CDH15: variants seen among roughly 807,000 people sequenced by gnomAD.
CDH15 encodes the protein cadherin 15.
A neutral mutation model predicts 69.4 loss-of-function variants in CDH15; 73 were observed. That is an observed-to-expected ratio of 1.05 (90% CI 0.87 to 1.28). CDH15 has a LOEUF of 1.28. CDH15 is among the 50% of genes most tolerant of loss of function. The pLI is 0.00. For synonymous variants in CDH15, 624 were observed against 507.7 expected (o/e 1.23, Z -3.08); for missense variants, 1,343 against 1,133.6 (o/e 1.18, Z -2.65).
At position 89,190,871 on chromosome 16, in the gene CDH15, G is replaced by T. The variant is rs549777282; in HGVS notation, c.1232+375G>T. Reference sequence around the variant, plus strand: ...CCAGCACCAACTGAGGCTTAACTAGGTTGCCACACAATTGTCTCAGCGCCC... The same window carrying T: ...CCAGCACCAACTGAGGCTTAACTAGTTTGCCACACAATTGTCTCAGCGCCC... On this transcript the variant is annotated intron_variant, in intron 8 of 13. Transcript: ENST00000289746. Among the ~76,000 whole-genome samples the T allele has an allele frequency of 7.2e-5, 11 of 152,240 alleles. No individual in the cohort carries two copies. In the South Asian group the frequency reaches 2.3e-3, roughly 32 times the overall value.
chr16:89,188,700 G>GATGCCGGCACACACAGATGCCCACA (rs1567774941), intron 7 of CDH15, among the ~76,000 whole-genome samples: 3 of 67,748 alleles, frequency 4.4e-5, no homozygotes, highest in Non-Finnish European at 6.1e-5. Flanking sequence ...AGATGCCCAC[G>GATGCCGGCACACACAGATGCCCACA]CACAGATGGC....
chr16:89,171,969 C>A, intron 1 of CDH15, 96 bp downstream of exon 1: 1 of 1,336,470 alleles, frequency 7.5e-7, no homozygotes, highest in Non-Finnish European at 1.0e-6. Context: ...CCCAGAACCA[C>A]TGGCCCTGGT....
chr16:89,172,930 G>A (rs892732026), intron 1 of CDH15, among the ~76,000 whole-genome samples: 2 of 152,158 alleles, frequency 1.3e-5, no homozygotes, highest in African/African-American at 4.8e-5. Context: ...GACACAGTGA[G>A]TAAGGGAAGC....
rs911976735 is a variant in CDH15, at chr16:89,192,087, G to C, written c.1616-118G>C. The C allele has an allele frequency of 6.0e-6, 8 of 1,341,604 alleles. No homozygotes were observed. The Admixed American group carries it at 1.5e-4, about 25-fold the overall frequency. 83.1% of individuals were successfully genotyped at this position (1,341,604 alleles called of 1,614,324 possible). A position where few individuals can be genotyped will look rare whatever the true frequency, so the allele number is the denominator to read the frequency against. ...ACTCATTGTGCCCAGAGGACGGTGG[G>C]GGTGGGGGGGACCCAGGCCCAGGAT... On this transcript the variant is annotated intron_variant, in intron 10 of 13. Coordinates refer to ENST00000289746, the MANE Select transcript of CDH15 (RefSeq NM_004933.3).
At chr16:89,183,435 G>A in intron 3 of CDH15, 113 bp from the exon 4 acceptor site, 2 of 1,239,758 alleles carry the variant, frequency 1.6e-6, no homozygotes, top group Non-Finnish European at 2.3e-6. Context: ...TGTTTAAGCT[G>A]GTGTTTCCAG....
chr16:89,193,644 G>A lies in CDH15; in HGVS notation c.1992+38G>A, dbSNP rs764672803. ...GTGTGGGTGGGGAGGGGTCCCCAAG[G>A]AACCCAGGTCGCGGGCCTTCTTACA... On this transcript the variant is annotated intron_variant, in intron 12 of 13. Coordinates refer to ENST00000289746, the MANE Select transcript of CDH15 (RefSeq NM_004933.3). 24 of 1,571,324 alleles carry A rather than the reference G, an allele frequency of 1.5e-5. No individual in the cohort carries two copies. In the East Asian group the frequency reaches 4.7e-4, roughly 31 times the overall value.
Position 89,190,606 on chromosome 16 carries a change from G to T in CDH15, c.1232+110G>T. 5.9e-6 allele frequency: 8 copies of T among 1,365,704 alleles called. No homozygotes were observed. The South Asian group carries it at 1.0e-4, about 18-fold the overall frequency. 84.6% of individuals were successfully genotyped at this position (1,365,704 alleles called of 1,614,324 possible). The stretch of plus-strand genomic sequence containing the variant: ...GGGTCAGAGGGTGTAGGGGCCATTT[G>T]CTGTGTGGGTTCCTGAAGGTCTGGA... On this transcript the variant is annotated intron_variant, in intron 8 of 13. Coordinates refer to ENST00000289746, the MANE Select transcript of CDH15 (RefSeq NM_004933.3).
intron 1 of CDH15, among the ~76,000 whole-genome samples, chr16:89,178,702 C>A (rs1915310312): frequency 6.6e-6 from 1 of 152,234 alleles, no homozygotes; most frequent in Non-Finnish European, 1.5e-5. Context: ...ACAGCACAGT[C>A]CAGTTGGGGG....
At position 89,173,185 on chromosome 16, in the gene CDH15, C is replaced by A. The variant is rs115978913; in HGVS notation, c.42+1312C>A. Among the ~76,000 whole-genome samples the A allele has an allele frequency of 3.7e-3, 561 of 152,326 alleles. 3 individuals carry two copies. The highest frequency in any genetic ancestry group is 0.013 in the African/African-American group (529 of 41,562). On this transcript the variant is annotated intron_variant, in intron 1 of 13. Transcript: ENST00000289746. ...GCTCACCCCCCGGCCCTCCACCCCT[C>A]AGCCCTCTGCCGGGGAGCGCAGGCT...
chr16:89,191,504 A>T (rs1156249530), intron 9 of CDH15, 32 bp downstream of exon 9: 2 of 1,609,138 alleles, frequency 1.2e-6, no homozygotes, highest in Admixed American at 3.3e-5. Context: ...GGGCTCCCTG[A>T]CCTGGCCTTG....
intron 13 of CDH15, 74 bp from the exon 14 acceptor site, chr16:89,194,788 C>G: frequency 6.8e-7 from 1 of 1,469,316 alleles, no homozygotes; most frequent in South Asian, 1.2e-5. Context: ...TGACTTTGCC[C>G]TGGGCTGTGG....
At position 89,188,226 on chromosome 16, in the gene CDH15, G is replaced by C. The variant is rs1465445564; in HGVS notation, c.919G>C (p.Gly307Arg). ...CACCATCCTGGAAGGCGACCCCGAT[G>C]GGCAGTTCACCATCCGCACGGACCC... Reference protein sequence around the residue: ...RFTILEGDPDGQFTIRTDPKT... With the variant: ...RFTILEGDPDRQFTIRTDPKT... Residue 307 changes from glycine (G) to arginine (R), a missense_variant, in exon 7 of 14, where the codon GGG becomes CGG. Coordinates refer to ENST00000289746, the MANE Select transcript of CDH15 (RefSeq NM_004933.3). 6.2e-7 allele frequency: 1 copy of C among 1,613,438 alleles called. No individual in the cohort carries two copies. The highest frequency in any genetic ancestry group is 1.3e-5 in the African/African-American group (1 of 74,926).
At chr16:89,175,569 G>C (rs1178160327) in intron 1 of CDH15, among the ~76,000 whole-genome samples, 2 of 152,234 alleles carry the variant, frequency 1.3e-5, no homozygotes, top group East Asian at 1.9e-4. Flanking sequence ...CCAAAGGGGA[G>C]GGGGAGAGGG....
At chr16:89,194,792 G>A (rs1360471695) in intron 13 of CDH15, 70 bp from the exon 14 acceptor site, 8 of 1,483,994 alleles carry the variant, frequency 5.4e-6, no homozygotes, top group African/African-American at 1.4e-5. Context: ...TTTGCCCTGG[G>A]CTGTGGCCAC....
chr16:89,174,144 G>A (rs1232112320), intron 1 of CDH15, among the ~76,000 whole-genome samples: 2 of 152,220 alleles, frequency 1.3e-5, no homozygotes, highest in African/African-American at 4.8e-5. Flanking sequence ...CTGCCTCCAT[G>A]CCTCTTCTTC....
intron 1 of CDH15, among the ~76,000 whole-genome samples, chr16:89,174,959 C>G (rs1409432155): frequency 6.6e-6 from 1 of 152,240 alleles, no homozygotes; most frequent in Non-Finnish European, 1.5e-5. Flanking sequence ...CTGGCCACGT[C>G]TTCTGGGACG....
At position 89,177,509 on chromosome 16, in the gene CDH15, G is replaced by C. The variant is rs574450714; in HGVS notation, c.43-1907G>C. Among the ~76,000 whole-genome samples the C allele has an allele frequency of 3.3e-5, 5 of 152,170 alleles. No individual in the cohort carries two copies. The East Asian group carries it at 9.7e-4, about 30-fold the overall frequency. ...GAGGGTCACCCGAGAGAAAGGCCGG[G>C]AGCCTGGCGACCCCCAGGACTAGGG... On this transcript the variant is annotated intron_variant, in intron 1 of 13. Transcript: ENST00000289746.
At chr16:89,187,656 A>G (rs12929648) in intron 6 of CDH15, 99 bp downstream of exon 6, 276,359 of 1,522,696 alleles carry the variant, frequency 0.18, 25,887 homozygotes, top group South Asian at 0.23. Context: ...ATGGGGCAGG[A>G]GGATGGTGTG....
rs199691445 is a variant in CDH15 at position 89,191,403 on chromosome 16, G to A, written c.1306G>A (p.Val436Met). 1.2e-5 allele frequency: 19 copies of A among 1,612,668 alleles called. No individual in the cohort carries two copies. The highest frequency in any genetic ancestry group is 1.6e-5 in the Non-Finnish European group (19 of 1,179,996). The change falls in exon 9 of 14, where the codon GTG becomes ATG. Residue 436 changes from valine (V) to methionine (M), a missense_variant. Val to Met is a conservative substitution (Grantham distance 21, BLOSUM62 1). Coordinates refer to ENST00000289746, the MANE Select transcript of CDH15 (RefSeq NM_004933.3). The stretch of plus-strand genomic sequence containing the variant: ...CACTGGCCGGATCCAGACCCAGCAC[G>A]TGCTCAGCCCGGCGTCCCCCTTCCT... ...AATGRIQTQHVLSPASPFLKG... is the reference protein window; with the variant it reads ...AATGRIQTQHMLSPASPFLKG...
Sources: gnomAD v4.1 joint callset for allele counts (sites outside exome capture counted in the v4.1 genomes callset) on GRCh38, gnomAD v4.1.1 for gene constraint, MANE v1.5 for transcripts, NCBI Gene and HGNC (gene_info 2026-07-23, HGNC 2026-07-21) for gene names.